PTGDR: variants seen among roughly 807,000 people sequenced by gnomAD.
PTGDR encodes PGD2 receptor.
Under a neutral mutation model 17.4 loss-of-function variants are expected in PTGDR, and 19 were observed. That is an observed-to-expected ratio of 1.09 (90% CI 0.76 to 1.60). The LOEUF (loss-of-function observed/expected upper bound fraction) is 1.60. PTGDR is among the 40% of genes most tolerant of loss of function. The probability of loss-of-function intolerance (pLI) is 0.00; values close to 1 mark genes in which losing one functional copy is unlikely to be tolerated. For synonymous variants in PTGDR, 267 were observed against 224.2 expected, an observed-to-expected ratio of 1.19 and a Z score of -1.71; for missense variants, 526 against 481.9, an observed-to-expected ratio of 1.09 and a Z score of -0.86.
intron 1 of PTGDR, among the ~76,000 whole-genome samples, chr14:52,274,079 A>C (rs1454795079): frequency 2.6e-5 from 4 of 152,152 alleles, no homozygotes; most frequent in Non-Finnish European, 5.9e-5. Context: ...TGAACAAGAA[A>C]AAAAAAAAGG....
rs1239285471 is a variant in PTGDR, at chr14:52,268,453, C to A, written c.639C>A (p.Ala213=). 1 of 1,609,908 alleles carries A rather than the reference C, an allele frequency of 6.2e-7. No individual in the cohort carries two copies. The highest frequency in any genetic ancestry group is 8.5e-7 in the Non-Finnish European group (1 of 1,180,032). ...GCCTCATGGCGCTGCTGGTCCTCGC[C>A]ACCGTGCTGTGCAACCTCGGCGCCA... ...YSSLMALLVL[A]TVLCNLGAMR... Residue 213 remains alanine, a synonymous_variant, in exon 1 of 2, where the codon GCC becomes GCA. Coordinates refer to ENST00000306051, the MANE Select transcript of PTGDR (RefSeq NM_000953.3).
At chr14:52,279,478 T>C (rs2033464915), downstream of PTGDR, among the ~76,000 whole-genome samples, 1 of 152,228 alleles carries the variant, frequency 6.6e-6, no homozygotes. Context: ...AGAACAGTGT[T>C]GACTGGCCTG....
chr14:52,278,876 T>C (rs1296213026), downstream of PTGDR, among the ~76,000 whole-genome samples: 1 of 152,006 alleles, frequency 6.6e-6, no homozygotes, highest in Admixed American at 6.6e-5. Context: ...ATATTTAAAG[T>C]GAGCTTTCAT....
intron 1 of PTGDR, chr14:52,269,576 T>A: frequency 1.4e-6 from 2 of 1,454,846 alleles, no homozygotes; most frequent in Non-Finnish European, 9.2e-7. Context: ...TTACAGAAAT[T>A]CCATTGCCAA....
At chr14:52,274,086 A>G (rs2033372919) in intron 1 of PTGDR, among the ~76,000 whole-genome samples, 1 of 152,192 alleles carries the variant, frequency 6.6e-6, no homozygotes, top group South Asian at 2.1e-4. Context: ...GAAAAAAAAA[A>G]AGGATGTCAA....
Position 52,268,480 on chromosome 14 carries a change from G to T in PTGDR, c.666G>T (p.Met222Ile). The T allele has an allele frequency of 3.1e-6, 5 of 1,610,496 alleles. No individual in the cohort carries two copies. The highest frequency in any genetic ancestry group is 4.2e-6 in the Non-Finnish European group (5 of 1,179,986). Reference protein sequence around the residue: ...LATVLCNLGAMRNLYAMHRRL... With the variant: ...LATVLCNLGAIRNLYAMHRRL... ...CCGTGCTGTGCAACCTCGGCGCCAT[G>T]CGCAACCTCTATGCGATGCACCGGC... Residue 222 changes from methionine (M) to isoleucine (I), a missense_variant, in exon 1 of 2, where the codon ATG becomes ATT. Coordinates refer to ENST00000306051, the MANE Select transcript of PTGDR (RefSeq NM_000953.3).
At chr14:52,280,455 G>A (rs1293107057), downstream of PTGDR, among the ~76,000 whole-genome samples, 2 of 152,156 alleles carry the variant, frequency 1.3e-5, no homozygotes, top group Admixed American at 1.3e-4. Flanking sequence ...ATCTCATTTT[G>A]GTTCCTAAAT....
In PTGDR at chr14:52,275,360, T is replaced by C. The variant is rs1172556121; in HGVS notation, c.*396T>C. On this transcript the variant is annotated 3_prime_UTR_variant, in exon 2 of 2. Transcript: ENST00000306051. ...ACTGTTTACGATTATACGATGGACA[T>C]TCATAAAAAGCATAATTTCTTACCC... 1.9e-5 allele frequency: 3 copies of C among 161,606 alleles called. No individual in the cohort carries two copies. Among genetic ancestry groups the C allele is most frequent in the African/African-American group, 7.2e-5 (3 of 41,540 alleles). 10.0% of individuals were successfully genotyped at this position (161,606 alleles called of 1,614,324 possible). A position where few individuals can be genotyped will look rare whatever the true frequency, so the allele number is the denominator to read the frequency against.
chr14:52,267,943 C>T lies in PTGDR; in HGVS notation c.129C>T (p.Arg43=). The T allele has an allele frequency of 6.2e-7, 1 of 1,609,982 alleles. No homozygotes were observed. Among genetic ancestry groups the T allele is most frequent in the Non-Finnish European group, 8.5e-7 (1 of 1,179,210 alleles). ...TGCTGGCCCTGGGGCTGCTGGCGCG[C>T]TCGGGGCTGGGGTGGTGCTCGCGGC... ...GNLLALGLLA[R]SGLGWCSRRP... The change falls in exon 1 of 2, where the codon CGC becomes CGT. Residue 43 remains arginine, a synonymous_variant. Coordinates refer to ENST00000306051, the MANE Select transcript of PTGDR (RefSeq NM_000953.3).
chr14:52,268,549 G>C lies in PTGDR; in HGVS notation c.735G>C (p.Glu245Asp). The C allele has an allele frequency of 5.6e-6, 9 of 1,612,594 alleles. No homozygotes were observed. The highest frequency in any genetic ancestry group is 7.6e-6 in the Non-Finnish European group (9 of 1,179,648). ...HPRSCTRDCAEPRADGREASP... is the reference protein window; with the variant it reads ...HPRSCTRDCADPRADGREASP... ...GCTCCTGCACCAGGGACTGTGCCGA[G>C]CCGCGCGCGGACGGGAGGGAAGCGT... Residue 245 changes from glutamate (E) to aspartate (D), a missense_variant, in exon 1 of 2, where the codon GAG becomes GAC. Physicochemically the swap from Glu to Asp is conservative, Grantham distance 45. Transcript: ENST00000306051.
downstream of PTGDR, among the ~76,000 whole-genome samples, chr14:52,277,843 T>A (rs1262507208): frequency 6.6e-6 from 1 of 151,192 alleles, no homozygotes; most frequent in Non-Finnish European, 1.5e-5. Context: ...TGAGAACCAC[T>A]GCTCTACACA....
At chr14:52,279,405 TAAC>T (rs1273167443), downstream of PTGDR, among the ~76,000 whole-genome samples, 1 of 152,188 alleles carries the variant, frequency 6.6e-6, no homozygotes, top group East Asian at 1.9e-4. Context: ...ATGATGAAAT[TAAC>T]AACATAAAAA....
In PTGDR at chr14:52,269,365, G is replaced by A. The variant is rs41511048; in HGVS notation, c.846+705G>A. 2.6e-4 allele frequency: 297 copies of A among 1,129,970 alleles called. 1 individual carries two copies. The African/African-American group carries it at 3.0e-3, about 11-fold the overall frequency. 70.0% of individuals were successfully genotyped at this position (1,129,970 alleles called of 1,614,324 possible). A position where few individuals can be genotyped will look rare whatever the true frequency, so the allele number is the denominator to read the frequency against. ...ACGGGTTTTGAGTGTATCTTGGCAA[G>A]TGAGGTGACATGAAAGCCATTATCT... On this transcript the variant is annotated intron_variant, in intron 1 of 1. Transcript: ENST00000306051.
rs2033430376 is a variant in PTGDR, at chr14:52,276,553, T to A, written c.*1589T>A. 1 of 152,178 alleles carries A rather than the reference T, an allele frequency of 6.6e-6. No homozygotes were observed. The highest frequency in any genetic ancestry group is 1.5e-5 in the Non-Finnish European group (1 of 68,032). The allele number at this position is 152,178 out of a possible 1,614,324, so 9.4% of individuals were successfully genotyped here. ...TATGACATGATGAAAAAAATACAGT[T>A]GTTTTTGAAATTTAACTTTTGTTTG... On this transcript the variant is annotated 3_prime_UTR_variant, in exon 2 of 2. Transcript: ENST00000306051.
At chr14:52,273,087 A>T (rs1012070010) in intron 1 of PTGDR, among the ~76,000 whole-genome samples, 4 of 152,178 alleles carry the variant, frequency 2.6e-5, no homozygotes, top group Non-Finnish European at 1.5e-5. Flanking sequence ...ATCTAGGCGC[A>T]CTACAACCTC....
At chr14:52,272,485 C>A (rs1309760221) in intron 1 of PTGDR, among the ~76,000 whole-genome samples, 12 of 149,978 alleles carry the variant, frequency 8.0e-5, no homozygotes, top group African/African-American at 3.0e-4. Flanking sequence ...AAAAAAAATA[C>A]ATGGGCATTT....
chr14:52,268,022 G>C lies in PTGDR; in HGVS notation c.208G>C (p.Val70Leu), dbSNP rs1429105461. The change falls in exon 1 of 2, where the codon GTC (valine) becomes CTC (leucine). Residue 70 changes from valine (V) to leucine (L), a missense_variant. Physicochemically the swap from Val to Leu is conservative, Grantham distance 32. Coordinates refer to ENST00000306051, the MANE Select transcript of PTGDR (RefSeq NM_000953.3). ...VFYMLVCGLT[V>L]TDLLGKCLLS... Reference sequence around the variant, plus strand: ...CTACATGCTGGTGTGTGGCCTGACGGTCACCGACTTGCTGGGCAAGTGCCT... The same window carrying C: ...CTACATGCTGGTGTGTGGCCTGACGCTCACCGACTTGCTGGGCAAGTGCCT... 1.6e-5 allele frequency: 25 copies of C among 1,610,910 alleles called. No homozygotes were observed. The highest frequency in any genetic ancestry group is 2.0e-5 in the Non-Finnish European group (24 of 1,180,032).
chr14:52,273,892 T>C (rs1047041685), intron 1 of PTGDR, among the ~76,000 whole-genome samples: 1 of 151,958 alleles, frequency 6.6e-6, no homozygotes, highest in South Asian at 2.1e-4. Flanking sequence ...TGGAAAGCAA[T>C]GGTTGTGCTG....
At chr14:52,279,766 A>G (rs1437560), downstream of PTGDR, among the ~76,000 whole-genome samples, 70,506 of 151,290 alleles carry the variant, frequency 0.47, 17,129 homozygotes, top group Middle Eastern at 0.65. Context: ...CATGTACCCT[A>G]AAACTTAAAG....
Sources: allele counts gnomAD v4.1 joint callset (sites outside exome capture counted in the v4.1 genomes callset), GRCh38; gene constraint gnomAD v4.1.1; transcripts MANE v1.5; gene names NCBI Gene and HGNC (gene_info 2026-07-23, HGNC 2026-07-21).